LRRC9: variants seen among roughly 807,000 people sequenced by gnomAD.
LRRC9 encodes leucine-rich repeat-containing protein 9.
In LRRC9, 122 loss-of-function variants were observed where a neutral mutation model predicts 63.2. That is an observed-to-expected ratio of 1.93 (90% CI 1.67 to 2.24). LRRC9 has a LOEUF of 2.24. Ranked by LOEUF, LRRC9 falls within the 30% of genes most tolerant of loss-of-function variation. The pLI is 0.00. For synonymous variants in LRRC9, 366 were observed against 213.1 expected (o/e 1.72, Z -6.25); for missense variants, 1,071 against 627.7 (o/e 1.71, Z -7.55).
chr14:59,952,656 T>C (rs1196269752), intron 8 of LRRC9, among the ~76,000 whole-genome samples: 1 of 152,226 alleles, frequency 6.6e-6, no homozygotes, highest in Non-Finnish European at 1.5e-5. Flanking sequence ...GTTGCTTTTA[T>C]TTTCCTTTAA....
In LRRC9 at chr14:60,003,303, A is replaced by G. The variant is rs1889540965; in HGVS notation, c.2665-318A>G. 6.6e-6 allele frequency among the ~76,000 whole-genome samples: 1 copy of G among 152,202 alleles called. No homozygotes were observed. The highest frequency in any genetic ancestry group is 2.1e-4 in the South Asian group (1 of 4,828). ...AGTGACCTTGGCAGCTGTCTACAGC[A>G]AGGCAGTCCCTGCAGGGACTGACAG... On this transcript the variant is annotated intron_variant, in intron 20 of 31. Coordinates refer to ENST00000445360, the Ensembl canonical transcript of LRRC9. This position sits in a 1 kb window ranked among gnomAD's most constrained non-coding sequence, Gnocchi z 4.2.
chr14:59,985,082 A>G, intron 16 of LRRC9, 23 bp from the exon 17 acceptor site: 2 of 629,710 alleles, frequency 3.2e-6, no homozygotes, highest in Non-Finnish European at 5.8e-6. Flanking sequence ...TTATTTTTTA[A>G]TGTATATTTT....
At chr14:59,939,064 C>T (rs189728178) in intron 7 of LRRC9, among the ~76,000 whole-genome samples, 218 of 146,070 alleles carry the variant, frequency 1.5e-3, no homozygotes, top group African/African-American at 4.9e-3. Flanking sequence ...CATATATATA[C>T]GTATATACAC....
intron 6 of LRRC9, among the ~76,000 whole-genome samples, chr14:59,933,340 A>G (rs1889868150): frequency 6.6e-6 from 1 of 152,162 alleles, no homozygotes; most frequent in Non-Finnish European, 1.5e-5. Context: ...TGTATCCACA[A>G]TCCTTAACAC....
At chr14:60,035,108 T>TA (rs1296568845) in intron 29 of LRRC9, among the ~76,000 whole-genome samples, 1 of 152,168 alleles carries the variant, frequency 6.6e-6, no homozygotes, top group African/African-American at 2.4e-5. Flanking sequence ...TGAGCATTTT[T>TA]TTTTTTTTGT....
chr14:60,065,467 G>C (rs989063437), downstream of LRRC9, among the ~76,000 whole-genome samples: 2 of 150,940 alleles, frequency 1.3e-5, no homozygotes, highest in South Asian at 4.2e-4. Context: ...GGCCAACAAG[G>C]CAAAGCCCCA....
In LRRC9 at chr14:60,004,899, C is replaced by T. The variant is rs984029223; in HGVS notation, c.2842+1101C>T. On this transcript the variant is annotated intron_variant, in intron 21 of 31. Coordinates refer to ENST00000445360, the Ensembl canonical transcript of LRRC9. This position sits in a 1 kb window ranked among gnomAD's most constrained non-coding sequence, Gnocchi z 4.8. The stretch of plus-strand genomic sequence containing the variant: ...GTGTGTATACACACACACACACACA[C>T]ACACACTTATCTGAATAAAGAATAT... Among the ~76,000 whole-genome samples the T allele has an allele frequency of 4.6e-5, 7 of 151,760 alleles. No individual in the cohort carries two copies. Among genetic ancestry groups the T allele is most frequent in the Non-Finnish European group, 7.4e-5 (5 of 67,964 alleles).
In LRRC9 at chr14:59,971,387, C is replaced by T. The variant is rs372186163; in HGVS notation, c.1507-3189C>T. Among the ~76,000 whole-genome samples, 21 of 152,018 alleles carry T rather than the reference C, an allele frequency of 1.4e-4. No individual in the cohort carries two copies. In the East Asian group the frequency reaches 2.5e-3, roughly 18 times the overall value. On this transcript the variant is annotated intron_variant, in intron 12 of 31. Coordinates refer to ENST00000445360, the Ensembl canonical transcript of LRRC9. ...TTGATGCCTCCAGCATTATTCTTTT[C>T]GCATAGGATTGGCTTGGCTATTTGG...
intron 17 of LRRC9, among the ~76,000 whole-genome samples, chr14:59,991,673 C>T (rs778115506): frequency 2.8e-4 from 42 of 152,280 alleles, no homozygotes; most frequent in Non-Finnish European, 4.3e-4. Context: ...GATTATATCC[C>T]GCGCATAGCT....
intron 10 of LRRC9, among the ~76,000 whole-genome samples, chr14:59,965,855 C>T (rs1594889592): frequency 8.7e-6 from 1 of 114,486 alleles, no homozygotes; most frequent in African/African-American, 3.4e-5. Flanking sequence ...TGCACTCTAG[C>T]CTGGGCGACA....
At chr14:60,057,785 T>C (rs1894394288) in intron 30 of LRRC9, 93 bp from the exon 31 acceptor site, 1 of 452,784 alleles carries the variant, frequency 2.2e-6, no homozygotes, top group Admixed American at 3.2e-5. Context: ...AAAAAGAATG[T>C]TGATTGTCTA....
downstream of LRRC9, among the ~76,000 whole-genome samples, chr14:60,064,081 T>C (rs2140484102): frequency 6.6e-6 from 1 of 152,280 alleles, no homozygotes; most frequent in African/African-American, 2.4e-5. Context: ...ACACCTACAG[T>C]GATACAAGTT....
intron 26 of LRRC9, 23 bp from the exon 27 acceptor site, chr14:60,022,711 T>C (rs1351555222): frequency 7.0e-6 from 4 of 573,348 alleles, no homozygotes; most frequent in Non-Finnish European, 1.3e-5. Flanking sequence ...GTTTATGGCC[T>C]CAAACTTACC....
At position 59,949,796 on chromosome 14, in the gene LRRC9, G is replaced by A. The variant is rs1882910935; in HGVS notation, c.882+5052G>A. On this transcript the variant is annotated intron_variant, in intron 8 of 31. Coordinates refer to ENST00000445360, the Ensembl canonical transcript of LRRC9. ...GAGCAGGTTGTTCAGTTTCCATATAGTTGAGCGGCTTTGAGTGAGATTCTT... is the reference window on the plus strand; with the variant it reads ...GAGCAGGTTGTTCAGTTTCCATATAATTGAGCGGCTTTGAGTGAGATTCTT... Among the ~76,000 whole-genome samples the A allele has an allele frequency of 2.7e-5, 4 of 148,800 alleles. No homozygotes were observed. In the South Asian group the frequency reaches 6.6e-4, roughly 24 times the overall value.
chr14:60,000,797 A>G lies in LRRC9; in HGVS notation c.2530-1169A>G, dbSNP rs1397226446. Among the ~76,000 whole-genome samples, 6 of 152,234 alleles carry G rather than the reference A, an allele frequency of 3.9e-5. No individual in the cohort carries two copies. The South Asian group carries it at 6.2e-4, about 16-fold the overall frequency. Reference sequence around the variant, plus strand: ...TTAAAATTAATATATCTTTTTTCAAAGAAAGTGAAAAGACAAGCTACATAC... The same window carrying G: ...TTAAAATTAATATATCTTTTTTCAAGGAAAGTGAAAAGACAAGCTACATAC... On this transcript the variant is annotated intron_variant, in intron 19 of 31. Coordinates refer to ENST00000445360, the Ensembl canonical transcript of LRRC9.
At chr14:59,991,120 T>C (rs1888041998) in intron 17 of LRRC9, among the ~76,000 whole-genome samples, 1 of 152,228 alleles carries the variant, frequency 6.6e-6, no homozygotes, top group Non-Finnish European at 1.5e-5. Context: ...TACTATTATG[T>C]TTATTCCAGT....
chr14:59,975,025 G>T, intron 13 of LRRC9, among the ~76,000 whole-genome samples: 1 of 64,990 alleles, frequency 1.5e-5, no homozygotes, highest in Admixed American at 2.0e-4. Flanking sequence ...ATATATATAT[G>T]TGTCACAGCA....
exon 3 of LRRC9, chr14:59,928,431 G>A (rs999458535): frequency 5.8e-6 from 4 of 695,482 alleles, no homozygotes; most frequent in Non-Finnish European, 1.0e-5. Context: ...GAAATTTCAG[G>A]GTTAGAGCCT....
intron 30 of LRRC9, among the ~76,000 whole-genome samples, chr14:60,056,412 AG>A (rs1197458479): frequency 2.6e-5 from 4 of 152,360 alleles, no homozygotes; most frequent in South Asian, 2.1e-4. Context: ...GGTTTAATTA[AG>A]CATTTAATTT....
Sources: allele counts gnomAD v4.1 joint callset (sites outside exome capture counted in the v4.1 genomes callset), GRCh38; gene constraint gnomAD v4.1.1; non-coding constraint Gnocchi (gnomAD v3.1); transcripts MANE v1.5; gene names NCBI Gene and HGNC (gene_info 2026-07-23, HGNC 2026-07-21).